ARL10: variants seen among roughly 807,000 people sequenced by gnomAD.
ARL10 encodes the protein ADP-ribosylation factor-like protein 10.
In ARL10, 23 loss-of-function variants were observed where a neutral mutation model predicts 26.1. That is an observed-to-expected ratio of 0.88 (90% CI 0.63 to 1.25). ARL10 has a LOEUF of 1.25. Among genes scored for constraint, ARL10 ranks in the 50% most tolerant of loss-of-function variants. ARL10 has a pLI of 0.00. For missense variants in ARL10, 300 were observed against 323.6 expected, an observed-to-expected ratio of 0.93 and a Z score of 0.56; for synonymous variants, 138 against 149.1, an observed-to-expected ratio of 0.93 and a Z score of 0.54.
chr5:176,366,877 A>C (rs1022717790), intron 2 of ARL10, among the ~76,000 whole-genome samples: 3 of 152,208 alleles, frequency 2.0e-5, no homozygotes, highest in Non-Finnish European at 4.4e-5. Flanking sequence ...CTTGACGGGC[A>C]TTGCTTAAGA....
chr5:176,404,775 C>T (rs974824560), downstream of ARL10, among the ~76,000 whole-genome samples: 3 of 152,192 alleles, frequency 2.0e-5, no homozygotes, highest in African/African-American at 7.2e-5. Flanking sequence ...TCCCGGGCTC[C>T]GGTGAACCCC....
chr5:176,414,063 C>G, the ARL10 span, among the ~76,000 whole-genome samples: 1 of 152,200 alleles, frequency 6.6e-6, no homozygotes. Context: ...CTGCTCAGCT[C>G]CCTCAGGCAT....
the ARL10 span, among the ~76,000 whole-genome samples, chr5:176,407,015 G>A: frequency 1.1e-4 from 17 of 152,186 alleles, no homozygotes; most frequent in Admixed American, 2.0e-4. Context: ...AAGGATTCTC[G>A]GATGGCACTG....
the ARL10 span, among the ~76,000 whole-genome samples, chr5:176,409,532 G>C: frequency 1.4e-5 from 2 of 147,916 alleles, no homozygotes; most frequent in African/African-American, 2.5e-5. Flanking sequence ...TCCTGCCTTA[G>C]CCTCCCGAGT....
the ARL10 span, chr5:176,410,165 A>G: frequency 1.8e-6 from 2 of 1,119,530 alleles, no homozygotes; most frequent in South Asian, 1.3e-5. Flanking sequence ...GAACAGGAGA[A>G]CCTGGAGCTG....
At chr5:176,414,654 G>A in the ARL10 span, among the ~76,000 whole-genome samples, 7 of 152,064 alleles carry the variant, frequency 4.6e-5, no homozygotes, top group Non-Finnish European at 1.0e-4. Flanking sequence ...TGTTGCCCAG[G>A]CTCCACAGCA....
intron 1 of ARL10, chr5:176,396,537 A>G: frequency 6.2e-7 from 1 of 1,612,608 alleles, no homozygotes; most frequent in South Asian, 1.1e-5. Flanking sequence ...GCGATCCTTG[A>G]GGGAAAGGTT....
rs541546817 is a variant in ARL10, at chr5:176,366,188, C to T, written c.184-192C>T. The stretch of plus-strand genomic sequence containing the variant: ...CGGTGGAGGAAGCGGGGCGCGCGAG[C>T]GTTTAAGGAATTCGCCAAGGGTTTG... On this transcript the variant is annotated intron_variant, in intron 1 of 3. Coordinates refer to ENST00000310389, the MANE Select transcript of ARL10 (RefSeq NM_173664.6). 1.1e-3 allele frequency among the ~76,000 whole-genome samples: 169 copies of T among 152,276 alleles called. 2 individuals are homozygous for T. Among genetic ancestry groups the T allele is most frequent in the Middle Eastern group, 3.4e-3 (1 of 294 alleles).
chr5:176,384,008 G>GTTTTCTGTT (rs1169493035), downstream of ARL10: 4 of 1,537,536 alleles, frequency 2.6e-6, no homozygotes, highest in Non-Finnish European at 3.5e-6. Flanking sequence ...AAAACAGCAG[G>GTTTTCTGTT]TTCTGGCTTT....
the ARL10 span, among the ~76,000 whole-genome samples, chr5:176,413,314 T>TA: frequency 6.6e-6 from 1 of 152,192 alleles, no homozygotes; most frequent in African/African-American, 2.4e-5. Flanking sequence ...CCTGTGAGCT[T>TA]ACGAGGCCCA....
the ARL10 span, among the ~76,000 whole-genome samples, chr5:176,412,193 A>AG: frequency 6.6e-6 from 1 of 150,960 alleles, no homozygotes; most frequent in African/African-American, 2.4e-5. Flanking sequence ...AAAAAAAAAA[A>AG]GAATGCTTTT....
the ARL10 span, among the ~76,000 whole-genome samples, chr5:176,412,672 C>G: frequency 1.3e-5 from 2 of 152,220 alleles, no homozygotes; most frequent in Non-Finnish European, 1.5e-5. Flanking sequence ...GGAAATAATC[C>G]CCGGGTGACA....
At position 176,388,357 on chromosome 5, in the gene ARL10, G is replaced by GA; in HGVS notation, c.100dup (p.Arg34LysfsTer?). ...CGGATGTGGGAGCTACCGGCAAAGA[G>GA]AGACATCGCGGATCCGTCATCTCGC... On this transcript the variant is annotated frameshift_variant, in exon 2 of 2. Transcript: ENST00000503175. LOFTEE classifies it low-confidence loss of function (END_TRUNC). 6.2e-7 allele frequency: 1 copy of GA among 1,613,722 alleles called. No individual in the cohort carries two copies. Among genetic ancestry groups the GA allele is most frequent in the Non-Finnish European group, 8.5e-7 (1 of 1,179,582 alleles).
chr5:176,369,273 C>T, intron 3 of ARL10: 1 of 1,270,758 alleles, frequency 7.9e-7, no homozygotes, highest in Non-Finnish European at 1.0e-6. Flanking sequence ...TGTTCTGTCG[C>T]CCAGGCTGGA....
downstream of ARL10, among the ~76,000 whole-genome samples, chr5:176,393,509 T>A (rs1044021342): frequency 6.6e-6 from 1 of 152,232 alleles, no homozygotes; most frequent in Non-Finnish European, 1.5e-5. This position sits in a 1 kb window ranked among gnomAD's most constrained non-coding sequence, Gnocchi z 4.4. Context: ...AGAGGATCTT[T>A]ACAGCAAGAC....
chr5:176,406,019 C>T, downstream of ARL10: 1 of 396,400 alleles, frequency 2.5e-6, no homozygotes, highest in Non-Finnish European at 3.4e-6. Context: ...AGTGGTGCTG[C>T]TGGCAGGCAA....
rs555992664 is a variant in ARL10 at position 176,369,325 on chromosome 5, C to G, written c.561+343C>G. The G allele has an allele frequency of 7.9e-6, 6 of 758,284 alleles. No homozygotes were observed. In the South Asian group the frequency reaches 1.1e-4, roughly 13 times the overall value. 47.0% of individuals were successfully genotyped at this position (758,284 alleles called of 1,614,324 possible). A position where few individuals can be genotyped will look rare whatever the true frequency, so the allele number is the denominator to read the frequency against. ...TCGGCTCACTGCAACCTCCACCTCC[C>G]GGGTTCAAGCAATTCTTGTGCCTCA... On this transcript the variant is annotated intron_variant, in intron 3 of 3. Coordinates refer to ENST00000310389, the MANE Select transcript of ARL10 (RefSeq NM_173664.6).
chr5:176,401,024 A>T (rs1756792837), intron 1 of ARL10, among the ~76,000 whole-genome samples: 1 of 152,198 alleles, frequency 6.6e-6, no homozygotes, highest in Non-Finnish European at 1.5e-5. Context: ...TCATCGGGGC[A>T]GCTGGGCGCC....
chr5:176,388,670 T>C, downstream of ARL10: 1 of 1,322,660 alleles, frequency 7.6e-7, no homozygotes, highest in Non-Finnish European at 1.1e-6. Context: ...TTTGTAGCAC[T>C]ACCGTGCTGA....
Sources: allele counts gnomAD v4.1 joint callset (sites outside exome capture counted in the v4.1 genomes callset), GRCh38; gene constraint gnomAD v4.1.1; non-coding constraint Gnocchi (gnomAD v3.1); transcripts MANE v1.5; gene names NCBI Gene and HGNC (gene_info 2026-07-23, HGNC 2026-07-21).